Variants in MAF observed in about 807,000 individuals in gnomAD.
MAF encodes the protein transcription factor Maf.
A neutral mutation model predicts 22.0 loss-of-function variants in MAF; 10 were observed. The observed-to-expected ratio is 0.45, with a 90% CI of 0.28 to 0.77. MAF has a LOEUF of 0.77. MAF is among the 30% of genes least tolerant of loss of function. MAF has a pLI of 0.12. For synonymous variants in MAF, 337 were observed against 255.8 expected (o/e 1.32, Z -3.03); for missense variants, 544 against 548.4 (o/e 0.99, Z 0.08).
chr16:79,271,813 C>T, the MAF span, among the ~76,000 whole-genome samples: 9 of 152,110 alleles, frequency 5.9e-5, no homozygotes, highest in Non-Finnish European at 1.3e-4. Flanking sequence ...ATAAAAGGTA[C>T]AATATGGAGC....
At chr16:79,492,980 G>A in the MAF span, among the ~76,000 whole-genome samples, 1 of 151,460 alleles carries the variant, frequency 6.6e-6, no homozygotes, top group Non-Finnish European at 1.5e-5. Flanking sequence ...TTTTTTGGAG[G>A]TAGAGACTCA....
At chr16:79,481,734 A>T in the MAF span, among the ~76,000 whole-genome samples, 1 of 152,044 alleles carries the variant, frequency 6.6e-6, no homozygotes, top group Admixed American at 6.6e-5. Context: ...CTATACATCC[A>T]TGCAGGTACT....
At chr16:79,528,599 C>G in the MAF span, among the ~76,000 whole-genome samples, 1 of 151,492 alleles carries the variant, frequency 6.6e-6, no homozygotes, top group Non-Finnish European at 1.5e-5. Context: ...TCAAATAACC[C>G]ATTCTCTTAA....
At chr16:79,222,715 G>C in the MAF span, among the ~76,000 whole-genome samples, 5 of 151,910 alleles carry the variant, frequency 3.3e-5, no homozygotes, top group African/African-American at 1.2e-4. Context: ...AAAAAAGCAG[G>C]GTTGCAATCC....
the MAF span, among the ~76,000 whole-genome samples, chr16:79,522,541 G>T: frequency 1.3e-4 from 20 of 152,200 alleles, no homozygotes; most frequent in African/African-American, 4.6e-4. Context: ...CACAGGGTAA[G>T]CATGTCAACA....
chr16:79,213,197 T>C, the MAF span, among the ~76,000 whole-genome samples: 1 of 152,170 alleles, frequency 6.6e-6, no homozygotes, highest in Non-Finnish European at 1.5e-5. Flanking sequence ...CAGGAAGGTG[T>C]GGAGGCTGGG....
At chr16:79,457,440 G>T in the MAF span, among the ~76,000 whole-genome samples, 1 of 150,748 alleles carries the variant, frequency 6.6e-6, no homozygotes, top group African/African-American at 2.4e-5. Flanking sequence ...TTACTACAAG[G>T]AATGAAACGA....
chr16:79,405,706 G>T, the MAF span, among the ~76,000 whole-genome samples: 9 of 152,172 alleles, frequency 5.9e-5, no homozygotes, highest in Non-Finnish European at 1.3e-4. Context: ...GTAGTAAAAA[G>T]ATCCATCCTT....
chr16:79,220,914 G>C, the MAF span, among the ~76,000 whole-genome samples: 2 of 152,146 alleles, frequency 1.3e-5, no homozygotes, highest in Admixed American at 1.3e-4. Flanking sequence ...TAACCTTACC[G>C]GGAGATGCCA....
At chr16:79,554,863 T>C in the MAF span, among the ~76,000 whole-genome samples, 5 of 152,284 alleles carry the variant, frequency 3.3e-5, no homozygotes, top group East Asian at 5.8e-4. Context: ...CTGCGTGATT[T>C]TTCCTGTTTC....
At chr16:79,365,581 GTT>G in the MAF span, among the ~76,000 whole-genome samples, 3 of 150,652 alleles carry the variant, frequency 2.0e-5, no homozygotes, top group East Asian at 3.9e-4. Flanking sequence ...GTTTGTGTTT[GTT>G]TTTTTTTTCC....
the MAF span, among the ~76,000 whole-genome samples, chr16:79,267,355 A>G: frequency 6.6e-6 from 1 of 152,156 alleles, no homozygotes. Flanking sequence ...AGGACTCACT[A>G]CCCAGAACAA....
At chr16:79,566,000 C>T in the MAF span, among the ~76,000 whole-genome samples, 9 of 152,270 alleles carry the variant, frequency 5.9e-5, no homozygotes, top group East Asian at 1.4e-3. Context: ...ACAATTCACC[C>T]TGCACTGATA....
At chr16:79,426,177 G>T in the MAF span, among the ~76,000 whole-genome samples, 1 of 151,028 alleles carries the variant, frequency 6.6e-6, no homozygotes, top group Admixed American at 6.6e-5. Context: ...CTGCACTCCA[G>T]CCTGGGCGAG....
At chr16:79,337,534 C>G in the MAF span, among the ~76,000 whole-genome samples, 80 of 151,674 alleles carry the variant, frequency 5.3e-4, no homozygotes, top group Non-Finnish European at 8.4e-4. Context: ...TGCCACTACA[C>G]TCCAGCCTGG....
the MAF span, among the ~76,000 whole-genome samples, chr16:79,248,522 T>C: frequency 1.1e-3 from 161 of 152,348 alleles, 1 homozygote; most frequent in South Asian, 0.022. Flanking sequence ...CTCTGCAGAA[T>C]TGTAACATGG....
the MAF span, among the ~76,000 whole-genome samples, chr16:79,534,876 C>T: frequency 2.0e-5 from 3 of 152,274 alleles, no homozygotes; most frequent in South Asian, 4.2e-4. Flanking sequence ...TCCCAGGTTC[C>T]TCTCTGGACA....
the MAF span, chr16:79,212,201 T>TTAGGGAAGA: frequency 6.9e-7 from 1 of 1,452,428 alleles, no homozygotes; most frequent in East Asian, 2.5e-5. Flanking sequence ...CTTCTCCTAC[T>TTAGGGAAGA]TAGGGAAGAA....
the MAF span, among the ~76,000 whole-genome samples, chr16:79,568,513 C>T: frequency 1.3e-5 from 2 of 152,168 alleles, no homozygotes; most frequent in African/African-American, 2.4e-5. Context: ...ACCAAATTCT[C>T]ATTAAAACAG....
Sources: allele counts gnomAD v4.1 joint callset (sites outside exome capture counted in the v4.1 genomes callset), GRCh38; gene constraint gnomAD v4.1.1; transcripts MANE v1.5; gene names NCBI Gene and HGNC (gene_info 2026-07-23, HGNC 2026-07-21).